The following PIK3R1 variants were observed in gnomAD, a reference collection of about 807,000 sequenced individuals.
PIK3R1 encodes phosphoinositide-3-kinase regulatory subunit 1.
A neutral mutation model predicts 98.0 loss-of-function variants in PIK3R1; 29 were observed. The ratio of observed to expected loss-of-function variants is 0.30; its 90% CI spans 0.22 to 0.40. The LOEUF (loss-of-function observed/expected upper bound fraction) is 0.40. PIK3R1 is among the 10% of genes least tolerant of loss of function. PIK3R1 has a pLI of 1.00. For missense variants in PIK3R1, 596 were observed against 872.7 expected, an observed-to-expected ratio of 0.68 and a Z score of 3.99; for synonymous variants, 282 against 311.8, an observed-to-expected ratio of 0.90 and a Z score of 1.01.
chr5:68,234,246 T>TC (rs1196926877), intron 2 of PIK3R1, among the ~76,000 whole-genome samples: 1 of 152,190 alleles, frequency 6.6e-6, no homozygotes, highest in African/African-American at 2.4e-5. Flanking sequence ...TTTGTTTTAA[T>TC]CCTTCTCTTC....
rs752683495 is a variant in PIK3R1, at chr5:68,226,955, C to T, written c.280C>T (p.Pro94Ser). ...CACACCAAAGCCCCGGCCACCTCGG[C>T]CTCTTCCTGTTGCACCAGGTTCTTC... Reference protein sequence around the residue: ...PPTPKPRPPRPLPVAPGSSKT... With the variant: ...PPTPKPRPPRSLPVAPGSSKT... The change falls in exon 2 of 16, where the codon CCT (proline) becomes TCT (serine). Residue 94 changes from proline (P) to serine (S), a missense_variant. Transcript: ENST00000521381. The T allele has an allele frequency of 5.0e-6, 8 of 1,614,024 alleles. No individual in the cohort carries two copies. In the Admixed American group the frequency reaches 1.3e-4, roughly 27 times the overall value.
chr5:68,300,990 T>C lies in PIK3R1; in HGVS notation c.*3389T>C, dbSNP rs1294806458. 1 of 233,154 alleles carries C rather than the reference T, an allele frequency of 4.3e-6. No homozygotes were observed. Among genetic ancestry groups the C allele is most frequent in the Non-Finnish European group, 8.5e-6 (1 of 117,842 alleles). The allele number at this position is 233,154 out of a possible 1,614,324, so 14.4% of individuals were successfully genotyped here. A position where few individuals can be genotyped will look rare whatever the true frequency, so the allele number is the denominator to read the frequency against. On this transcript the variant is annotated 3_prime_UTR_variant, in exon 16 of 16. Transcript: ENST00000521381. ...GGAACCAATTGCTTTGTCATATAGC[T>C]GGTTATGAACTAGTAACATGTTTGG...
chr5:68,224,926 G>A (rs1440087832), intron 1 of PIK3R1, among the ~76,000 whole-genome samples: 1 of 152,202 alleles, frequency 6.6e-6, no homozygotes, highest in East Asian at 1.9e-4. Flanking sequence ...CCTCCATCAA[G>A]CTGTCTTTAT....
chr5:68,246,019 A>G (rs1397583207), intron 2 of PIK3R1, among the ~76,000 whole-genome samples: 3 of 152,212 alleles, frequency 2.0e-5, no homozygotes, highest in Admixed American at 6.5e-5. Flanking sequence ...AGCTGTGTAC[A>G]TGTTTCCCCA....
At chr5:68,219,091 T>C (rs1744002748) in intron 1 of PIK3R1, among the ~76,000 whole-genome samples, 1 of 152,120 alleles carries the variant, frequency 6.6e-6, no homozygotes. Flanking sequence ...GCTGAAAAAA[T>C]AGACTATATA....
At position 68,301,197 on chromosome 5, in the gene PIK3R1, C is replaced by T. The variant is rs181054297; in HGVS notation, c.*3596C>T. 535 of 220,700 alleles carry T rather than the reference C, an allele frequency of 2.4e-3. 3 individuals are homozygous for T. Among genetic ancestry groups the T allele is most frequent in the Middle Eastern group, 9.8e-3 (7 of 712 alleles). 13.7% of individuals were successfully genotyped at this position (220,700 alleles called of 1,614,324 possible). ...TCACATGGGACAAAGTTCCAAAATG[C>T]CAAATTCTTATTTTTTAAAAAGCTA... On this transcript the variant is annotated 3_prime_UTR_variant, in exon 16 of 16. Transcript: ENST00000521381.
chr5:68,263,215 T>TCTACATATATATCTATATATATATA (rs1561279747), intron 2 of PIK3R1, among the ~76,000 whole-genome samples: 9 of 120,932 alleles, frequency 7.4e-5, no homozygotes, highest in East Asian at 4.7e-4. Context: ...ATATATATAT[T>TCTACATATATATCTATATATATATA]TCTACATATA....
intron 3 of PIK3R1, 199 bp from the exon 4 acceptor site, chr5:68,273,740 T>G: frequency 1.6e-6 from 1 of 608,048 alleles, no homozygotes; most frequent in Non-Finnish European, 2.9e-6. Flanking sequence ...ATTAACTTTC[T>G]TCTTAGAGGC....
intron 2 of PIK3R1, among the ~76,000 whole-genome samples, chr5:68,267,618 C>A (rs1410353531): frequency 1.3e-5 from 2 of 152,040 alleles, no homozygotes; most frequent in African/African-American, 4.8e-5. Context: ...CTCTCATTTT[C>A]AGTTGCGCAT....
At position 68,292,334 on chromosome 5, in the gene PIK3R1, C is replaced by T. The variant is rs1453144300; in HGVS notation, c.992C>T (p.Ala331Val). 6.2e-7 allele frequency: 1 copy of T among 1,610,518 alleles called. No homozygotes were observed. The highest frequency in any genetic ancestry group is 8.5e-7 in the Non-Finnish European group (1 of 1,176,834). ...AATAACAATATGTCCTTACAAGATG[C>T]TGAATGGTACTGGGGAGATATCTCG... ...GMNNNMSLQD[A>V]EWYWGDISRE... Residue 331 changes from alanine (A) to valine (V), a missense_variant, in exon 8 of 16, where the codon GCT (alanine) becomes GTT (valine). By Grantham distance (64) the Ala-to-Val change is moderately conservative. Around this residue, in one of 3 missense-constraint regions of PIK3R1, gnomAD observed 37 missense variants for 118.0 expected, o/e 0.31. Coordinates refer to ENST00000521381, the MANE Select transcript of PIK3R1 (RefSeq NM_181523.3).
At chr5:68,250,297 A>G (rs1397209614) in intron 2 of PIK3R1, among the ~76,000 whole-genome samples, 1 of 152,220 alleles carries the variant, frequency 6.6e-6, no homozygotes, top group East Asian at 1.9e-4. Context: ...AGGCCCCAGC[A>G]TGGGAAGGCA....
chr5:68,233,666 T>G (rs77138553), intron 2 of PIK3R1, among the ~76,000 whole-genome samples: 1,887 of 152,346 alleles, frequency 0.012, 34 homozygotes, highest in African/African-American at 0.043. Context: ...AGTAGAAACA[T>G]TGTTAAAATA....
intron 2 of PIK3R1, among the ~76,000 whole-genome samples, chr5:68,257,749 C>T (rs1745576902): frequency 6.6e-6 from 1 of 152,180 alleles, no homozygotes; most frequent in Non-Finnish European, 1.5e-5. Context: ...TTCAGACATC[C>T]ACTGTAGATA....
At chr5:68,219,923 A>C (rs1190210229) in intron 1 of PIK3R1, among the ~76,000 whole-genome samples, 1 of 152,178 alleles carries the variant, frequency 6.6e-6, no homozygotes, top group African/African-American at 2.4e-5. Flanking sequence ...TTGTTTTCTC[A>C]TCTGTAAAAT....
chr5:68,279,515 C>A (rs1263029960), intron 4 of PIK3R1, 87 bp from the exon 5 acceptor site: 11 of 899,132 alleles, frequency 1.2e-5, no homozygotes, highest in East Asian at 2.7e-5. Flanking sequence ...TTTTTTGTCA[C>A]ATGTGAGTCA....
At chr5:68,218,733 A>G (rs940543211) in intron 1 of PIK3R1, among the ~76,000 whole-genome samples, 22 of 152,206 alleles carry the variant, frequency 1.4e-4, no homozygotes, top group Non-Finnish European at 4.4e-5. Context: ...GAGCTCCTCC[A>G]GCTCTCCCTC....
chr5:68,269,132 T>C (rs1746244579), intron 2 of PIK3R1, among the ~76,000 whole-genome samples: 1 of 152,226 alleles, frequency 6.6e-6, no homozygotes, highest in Non-Finnish European at 1.5e-5. Flanking sequence ...ATGCGTGTCT[T>C]GGATTCACTA....
At chr5:68,289,097 G>T (rs1036976064) in intron 7 of PIK3R1, among the ~76,000 whole-genome samples, 12 of 152,266 alleles carry the variant, frequency 7.9e-5, no homozygotes, top group African/African-American at 2.9e-4. Flanking sequence ...GGTTTGCACC[G>T]ACGGTTCCCA....
At chr5:68,234,979 A>G (rs550040954) in intron 2 of PIK3R1, among the ~76,000 whole-genome samples, 7 of 152,324 alleles carry the variant, frequency 4.6e-5, no homozygotes, top group South Asian at 4.1e-4. Flanking sequence ...GGTTTTTGGT[A>G]AAATGCAGTT....
Sources: allele counts gnomAD v4.1 joint callset (sites outside exome capture counted in the v4.1 genomes callset), GRCh38; gene constraint gnomAD v4.1.1; regional missense constraint gnomAD v4.1.1; transcripts MANE v1.5; gene names NCBI Gene and HGNC (gene_info 2026-07-23, HGNC 2026-07-21).